SLC17A5: variants seen among roughly 807,000 people sequenced by gnomAD.
The protein encoded by SLC17A5 is solute carrier family 17 member 5, also known as sialin.
In SLC17A5, 47 loss-of-function variants were observed where a neutral mutation model predicts 59.4. That is an observed-to-expected ratio of 0.79 (90% CI 0.63 to 1.01). The LOEUF (loss-of-function observed/expected upper bound fraction) is 1.01, where lower values mean the gene tolerates loss of function less well. Ranked by LOEUF, SLC17A5 falls within the 50% of genes least tolerant of loss-of-function variation. The pLI, the probability that SLC17A5 is intolerant of heterozygous loss-of-function variation, is 0.00. For missense variants in SLC17A5, 522 were observed against 595.5 expected (o/e 0.88, Z 1.28); for synonymous variants, 202 against 210.7 (o/e 0.96, Z 0.36).
At chr6:73,603,128 G>T (rs891210620) in intron 9 of SLC17A5, among the ~76,000 whole-genome samples, 11 of 151,874 alleles carry the variant, frequency 7.2e-5, no homozygotes, top group Non-Finnish European at 1.5e-4. Context: ...AAATTTGCTT[G>T]TTCCATTAAT....
intron 9 of SLC17A5, among the ~76,000 whole-genome samples, chr6:73,605,449 A>G (rs1362950578): frequency 6.6e-6 from 1 of 152,164 alleles, no homozygotes; most frequent in Non-Finnish European, 1.5e-5. Flanking sequence ...AAAAGCAACT[A>G]TGAAAAACCT....
Position 73,610,417 on chromosome 6 carries a change from A to G in SLC17A5, c.1242T>C (p.His414=). Residue 414 remains histidine (H), a synonymous_variant, in exon 9 of 11, where the codon CAT becomes CAC. Transcript: ENST00000355773. ...GTACTCACGAAGGAGCAATATCCAGATGGTTGATGCTAAATCCAGAAGAGC... is the reference window on the plus strand; with the variant it reads ...GTACTCACGAAGGAGCAATATCCAGGTGGTTGATGCTAAATCCAGAAGAGC... The part of the protein sequence containing the change: ...GFCSSGFSIN[H]LDIAPSYAGI... 6.2e-7 allele frequency: 1 copy of G among 1,614,136 alleles called. No individual in the cohort carries two copies. Among genetic ancestry groups the G allele is most frequent in the Non-Finnish European group, 8.5e-7 (1 of 1,180,014 alleles).
intron 6 of SLC17A5, among the ~76,000 whole-genome samples, chr6:73,634,767 A>G (rs2150111742): frequency 6.6e-6 from 1 of 152,266 alleles, no homozygotes; most frequent in Non-Finnish European, 1.5e-5. Context: ...TCCTTTGAGC[A>G]TCATGTGGGT....
chr6:73,597,618 T>C lies in SLC17A5; in HGVS notation c.1351-2404A>G, dbSNP rs114978517. 1.7e-3 allele frequency among the ~76,000 whole-genome samples: 264 copies of C among 152,008 alleles called. 1 individual carries two copies. Among genetic ancestry groups the C allele is most frequent in the African/African-American group, 6.0e-3 (248 of 41,492 alleles). On this transcript the variant is annotated intron_variant, in intron 10 of 10. Transcript: ENST00000355773. ...TGGGCAAGGTGGTGAAACCCCATCT[T>C]TACAAGAAGTAGGAAAATTAGCTGG...
chr6:73,653,464 A>T, intron 1 of SLC17A5: 1 of 984,904 alleles, frequency 1.0e-6, no homozygotes, highest in East Asian at 1.1e-4. Flanking sequence ...ACTACCCAAA[A>T]TAACCACCAG....
intron 6 of SLC17A5, among the ~76,000 whole-genome samples, chr6:73,627,689 C>T (rs663199): frequency 0.13 from 20,181 of 150,722 alleles, 1,856 homozygotes; most frequent in African/African-American, 0.25. Flanking sequence ...AGTGCAGTGG[C>T]ACGATCTCAA....
At chr6:73,608,163 C>T (rs1464705488) in intron 9 of SLC17A5, among the ~76,000 whole-genome samples, 5 of 152,152 alleles carry the variant, frequency 3.3e-5, no homozygotes, top group Admixed American at 2.6e-4. Flanking sequence ...ACTCCCCACC[C>T]CCATCTGTGT....
At chr6:73,605,166 TGAA>T (rs1319759605) in intron 9 of SLC17A5, among the ~76,000 whole-genome samples, 3 of 152,136 alleles carry the variant, frequency 2.0e-5, no homozygotes, top group Non-Finnish European at 4.4e-5. Context: ...ATTTTATAGA[TGAA>T]GAAAAACCAT....
chr6:73,596,488 T>C (rs1766804275), intron 10 of SLC17A5, among the ~76,000 whole-genome samples: 1 of 152,230 alleles, frequency 6.6e-6, no homozygotes. Context: ...GTCATGTGAC[T>C]ACCTTTAACA....
intron 9 of SLC17A5, 70 bp from the exon 10 acceptor site, chr6:73,600,511 T>C (rs1399436895): frequency 6.6e-6 from 4 of 603,948 alleles, no homozygotes; most frequent in South Asian, 3.1e-5. Flanking sequence ...TTTCCTTCTT[T>C]TTTTTTTTTT....
intron 5 of SLC17A5, 73 bp from the exon 6 acceptor site, chr6:73,635,573 AAAATTAGAAAGCACC>A: frequency 2.6e-6 from 2 of 757,538 alleles, no homozygotes; most frequent in Non-Finnish European, 4.3e-6. Flanking sequence ...ACAAAAACAC[AAAATTAGAAAGCACC>A]AACAACAATT....
At chr6:73,604,373 T>G (rs1767298997) in intron 9 of SLC17A5, among the ~76,000 whole-genome samples, 1 of 152,192 alleles carries the variant, frequency 6.6e-6, no homozygotes, top group African/African-American at 2.4e-5. Context: ...TCTGTGCTGT[T>G]GGAGTACTAT....
At chr6:73,641,192 A>C in intron 3 of SLC17A5, among the ~76,000 whole-genome samples, 1 of 152,014 alleles carries the variant, frequency 6.6e-6, no homozygotes, top group East Asian at 1.9e-4. Flanking sequence ...CAGTTCTCCC[A>C]CTTCATCCTC....
chr6:73,635,435 T>G lies in SLC17A5; in HGVS notation c.766A>C (p.Lys256Gln). Residue 256 changes from lysine (K) to glutamine (Q), a missense_variant, in exon 6 of 11, where the codon AAG (lysine) becomes CAG (glutamine). By Grantham distance (53) the Lys-to-Gln change is moderately conservative. Transcript: ENST00000355773. ...WLVSDTPQKH[K>Q]RISHYEKEYI... Reference sequence around the variant, plus strand: ...TCCTTTTCATAATGGGAAATTCTCTTGTGTTTTTGTGGTGTGTCACTAACT... The same window carrying G: ...TCCTTTTCATAATGGGAAATTCTCTGGTGTTTTTGTGGTGTGTCACTAACT... The G allele has an allele frequency of 6.2e-7, 1 of 1,609,858 alleles. No homozygotes were observed. Among genetic ancestry groups the G allele is most frequent in the Non-Finnish European group, 8.5e-7 (1 of 1,177,388 alleles).
At chr6:73,648,881 G>A (rs1356344952) in intron 1 of SLC17A5, among the ~76,000 whole-genome samples, 1 of 152,062 alleles carries the variant, frequency 6.6e-6, no homozygotes, top group Non-Finnish European at 1.5e-5. Flanking sequence ...TAAACATAGG[G>A]AGAGCAGGAC....
At chr6:73,600,789 C>CA (rs1767025317) in intron 9 of SLC17A5, among the ~76,000 whole-genome samples, 1 of 152,226 alleles carries the variant, frequency 6.6e-6, no homozygotes, top group African/African-American at 2.4e-5. Flanking sequence ...GTATGAGCCA[C>CA]AGCGCCTGGC....
At chr6:73,650,385 T>C (rs1315474713) in intron 1 of SLC17A5, among the ~76,000 whole-genome samples, 1 of 150,184 alleles carries the variant, frequency 6.7e-6, no homozygotes, top group Non-Finnish European at 1.5e-5. Context: ...GGCGGGTGCC[T>C]GTAGTCCCAG....
chr6:73,629,935 T>C (rs1768616351), intron 6 of SLC17A5, among the ~76,000 whole-genome samples: 1 of 152,120 alleles, frequency 6.6e-6, no homozygotes, highest in Admixed American at 6.6e-5. Flanking sequence ...AAGCACTCGC[T>C]AGTCATGAGA....
intron 7 of SLC17A5, among the ~76,000 whole-genome samples, chr6:73,621,402 G>A (rs898099115): frequency 2.0e-5 from 3 of 152,212 alleles, no homozygotes; most frequent in Non-Finnish European, 4.4e-5. Context: ...ACCTCCCAAA[G>A]TGGTAGGATT....
Sources: allele counts gnomAD v4.1 joint callset (sites outside exome capture counted in the v4.1 genomes callset), GRCh38; gene constraint gnomAD v4.1.1; transcripts MANE v1.5; gene names NCBI Gene and HGNC (gene_info 2026-07-23, HGNC 2026-07-21).